DGCR2: variants seen among roughly 807,000 people sequenced by gnomAD.
DGCR2 encodes the protein DiGeorge syndrome critical region gene 2, also known as integral membrane protein DGCR2/IDD.
DGCR2 carries 24 observed loss-of-function variants against 51.6 expected under a neutral mutation model. That is an observed-to-expected ratio of 0.47 (90% CI 0.34 to 0.65). DGCR2 has a LOEUF of 0.65. Among genes scored for constraint, DGCR2 ranks in the 30% least tolerant of loss-of-function variants. The probability of loss-of-function intolerance (pLI) is 0.01; values close to 1 mark genes in which losing one functional copy is unlikely to be tolerated. For synonymous variants in DGCR2, 340 were observed against 315.4 expected (o/e 1.08, Z -0.82); for missense variants, 765 against 772.1 (o/e 0.99, Z 0.11).
At chr22:19,053,001 C>T (rs1263751321) in intron 6 of DGCR2, among the ~76,000 whole-genome samples, 1 of 152,224 alleles carries the variant, frequency 6.6e-6, no homozygotes, top group African/African-American at 2.4e-5. Flanking sequence ...CAGGATCTGG[C>T]CAGTGGCCAC....
intron 2 of DGCR2, among the ~76,000 whole-genome samples, chr22:19,082,836 C>A (rs996159745): frequency 2.6e-5 from 4 of 151,972 alleles, no homozygotes; most frequent in East Asian, 3.9e-4. Context: ...CCCCCGTAAT[C>A]CAGGCACTCT....
chr22:19,107,637 A>T (rs375025125), intron 1 of DGCR2, among the ~76,000 whole-genome samples: 11 of 152,228 alleles, frequency 7.2e-5, no homozygotes, highest in East Asian at 5.8e-4. Context: ...ATCATATAAG[A>T]TGAAAGAAGA....
At chr22:19,062,775 G>GCTGTCTGTCTGTCT (rs2082686000) in intron 5 of DGCR2, among the ~76,000 whole-genome samples, 1 of 108,860 alleles carries the variant, frequency 9.2e-6, no homozygotes, top group Non-Finnish European at 1.9e-5. Context: ...ACACATGCAT[G>GCTGTCTGTCTGTCT]CTCACTCTCT....
chr22:19,090,214 C>G (rs186977563), intron 1 of DGCR2, among the ~76,000 whole-genome samples: 1 of 152,204 alleles, frequency 6.6e-6, no homozygotes, highest in African/African-American at 2.4e-5. Context: ...CATCAGTAAG[C>G]TGTGGAACAA....
At chr22:19,109,371 C>T (rs1260275958) in intron 1 of DGCR2, among the ~76,000 whole-genome samples, 2 of 152,152 alleles carry the variant, frequency 1.3e-5, no homozygotes, top group Non-Finnish European at 2.9e-5. Context: ...AAGTACTACT[C>T]ACAATAACTA....
chr22:19,082,813 G>A (rs1389538677), intron 2 of DGCR2, among the ~76,000 whole-genome samples: 2 of 151,296 alleles, frequency 1.3e-5, no homozygotes, highest in East Asian at 2.0e-4. Context: ...GTGGCTGGGC[G>A]CAGTGGCTCA....
rs751697700 is a variant in DGCR2, at chr22:19,041,170, G to C, written c.1284C>G (p.Asp428Glu). The C allele has an allele frequency of 5.0e-6, 8 of 1,613,914 alleles. No individual in the cohort carries two copies. The highest frequency in any genetic ancestry group is 1.6e-4 in the Middle Eastern group (1 of 6,082). The change falls in exon 9 of 10, where the codon GAC becomes GAG. Residue 428 changes from aspartate (D) to glutamate (E), a missense_variant. Asp to Glu is a conservative substitution (Grantham distance 45, BLOSUM62 2). This residue lies in a region of DGCR2 where 205 missense variants were observed against 181.4 expected (regional missense o/e 1.13). Transcript: ENST00000263196. The part of the protein sequence containing the change: ...DGEGGTFHFH[D>E]PPPPYTAYKY... ...TGTATGCCGTGTAGGGAGGTGGAGG[G>C]TCGTGGAAATGGAAAGTCCCACCCT...
chr22:19,046,231 CATATTTT>C (rs2082488350), intron 7 of DGCR2: 1 of 123,716 alleles, frequency 8.1e-6, no homozygotes, highest in Non-Finnish European at 1.7e-5. Flanking sequence ...AGAATGTGCA[CATATTTT>C]ATATTATTTA....
At chr22:19,045,927 C>T (rs1216505046) in intron 7 of DGCR2, among the ~76,000 whole-genome samples, 1 of 152,130 alleles carries the variant, frequency 6.6e-6, no homozygotes, top group Non-Finnish European at 1.5e-5. Context: ...GGGGCTTCAC[C>T]ATGTTGGCCA....
chr22:19,106,839 C>T (rs565734473), intron 1 of DGCR2, among the ~76,000 whole-genome samples: 6 of 151,984 alleles, frequency 3.9e-5, no homozygotes, highest in African/African-American at 1.2e-4. Context: ...TGGGGCTCTG[C>T]ATTCTGACTC....
chr22:19,120,258 C>T (rs1355877058), intron 1 of DGCR2, among the ~76,000 whole-genome samples: 2 of 152,210 alleles, frequency 1.3e-5, no homozygotes, highest in Non-Finnish European at 2.9e-5. Context: ...GCTCCCTCTA[C>T]CAGATCCACC....
At chr22:19,108,180 T>C (rs796229174) in intron 1 of DGCR2, among the ~76,000 whole-genome samples, 10 of 152,236 alleles carry the variant, frequency 6.6e-5, no homozygotes, top group African/African-American at 2.4e-4. Context: ...GGCAAGGATT[T>C]ATTAGACAAA....
At chr22:19,055,555 A>T (rs1020660452) in intron 6 of DGCR2, among the ~76,000 whole-genome samples, 1 of 152,220 alleles carries the variant, frequency 6.6e-6, no homozygotes, top group African/African-American at 2.4e-5. Flanking sequence ...AATGTAAATA[A>T]ATAAATAAAT....
rs1005143163 is a variant in DGCR2 at position 19,088,144 on chromosome 22, T to G, written c.202+1224A>C. 4.6e-5 allele frequency among the ~76,000 whole-genome samples: 7 copies of G among 152,204 alleles called. No homozygotes were observed. In the East Asian group the frequency reaches 1.3e-3, roughly 29 times the overall value. ...TGGTTTTCCTTCAGTACTAAGCCTA[T>G]AGGAATTACAGCACACCTTTCATGT... On this transcript the variant is annotated intron_variant, in intron 2 of 9. Transcript: ENST00000263196.
chr22:19,102,787 C>T (rs1012258203), intron 1 of DGCR2, among the ~76,000 whole-genome samples: 8 of 152,240 alleles, frequency 5.3e-5, no homozygotes, highest in Non-Finnish European at 7.4e-5. Context: ...AGGAAGATCG[C>T]TTGAAGCCAG....
chr22:19,118,663 A>G (rs1002943669), intron 1 of DGCR2, among the ~76,000 whole-genome samples: 1 of 152,218 alleles, frequency 6.6e-6, no homozygotes, highest in Non-Finnish European at 1.5e-5. Context: ...AGCTGAGCAC[A>G]GGCCCTGTAC....
At chr22:19,111,440 A>G (rs1202098787) in intron 1 of DGCR2, among the ~76,000 whole-genome samples, 1 of 152,206 alleles carries the variant, frequency 6.6e-6, no homozygotes, top group African/African-American at 2.4e-5. Flanking sequence ...GAGGCAAAGC[A>G]TGTGGCTCAG....
intron 2 of DGCR2, among the ~76,000 whole-genome samples, chr22:19,087,189 C>A (rs774224404): frequency 6.6e-6 from 1 of 152,182 alleles, no homozygotes; most frequent in African/African-American, 2.4e-5. Flanking sequence ...GGGAAGCCCA[C>A]TGGGAATCCA....
chr22:19,066,872 G>A (rs1351632400), intron 3 of DGCR2, among the ~76,000 whole-genome samples: 6 of 152,208 alleles, frequency 3.9e-5, no homozygotes, highest in Non-Finnish European at 7.4e-5. Context: ...AGGACCCCCT[G>A]GGGCTGCACT....
Sources: allele counts gnomAD v4.1 joint callset (sites outside exome capture counted in the v4.1 genomes callset), GRCh38; gene constraint gnomAD v4.1.1; regional missense constraint gnomAD v4.1.1; transcripts MANE v1.5; gene names NCBI Gene and HGNC (gene_info 2026-07-23, HGNC 2026-07-21).